The following NALF1 variants were observed in gnomAD, a reference collection of about 807,000 sequenced individuals.
NALF1 encodes the protein NALCN channel auxiliary factor 1, also known as family with sequence similarity 155 member A.
Under a neutral mutation model 48.4 loss-of-function variants are expected in NALF1, and 3 were observed. The observed-to-expected ratio is 0.06, with a 90% CI of 0.03 to 0.16. The LOEUF (loss-of-function observed/expected upper bound fraction) is 0.16. Among genes scored for constraint, NALF1 ranks in the 10% least tolerant of loss-of-function variants. The pLI, the probability that NALF1 is intolerant of heterozygous loss-of-function variation, is 1.00. For synonymous variants in NALF1, 262 were observed against 245.7 expected, an observed-to-expected ratio of 1.07 and a Z score of -0.62; for missense variants, 526 against 571.5, an observed-to-expected ratio of 0.92 and a Z score of 0.81.
At chr13:107,341,559 G>A (rs902641962) in intron 1 of NALF1, among the ~76,000 whole-genome samples, 2 of 151,332 alleles carry the variant, frequency 1.3e-5, no homozygotes, top group Non-Finnish European at 2.9e-5. Flanking sequence ...AGGTGGTGAG[G>A]ATTAAAATTA....
At chr13:107,616,367 A>G (rs1395750612) in intron 1 of NALF1, among the ~76,000 whole-genome samples, 1 of 152,208 alleles carries the variant, frequency 6.6e-6, no homozygotes, top group Non-Finnish European at 1.5e-5. Flanking sequence ...ATCACATTGC[A>G]TAATAATCCA....
At chr13:107,375,939 C>A (rs956193989) in intron 1 of NALF1, among the ~76,000 whole-genome samples, 2 of 151,976 alleles carry the variant, frequency 1.3e-5, no homozygotes, top group Non-Finnish European at 2.9e-5. Flanking sequence ...CACACACACA[C>A]ACACATACAC....
At position 107,342,595 on chromosome 13, in the gene NALF1, T is replaced by C. The variant is rs115373563; in HGVS notation, c.916-131840A>G. Among the ~76,000 whole-genome samples the C allele has an allele frequency of 8.0e-3, 1,217 of 152,270 alleles. 18 individuals are homozygous for C. The highest frequency in any genetic ancestry group is 0.028 in the African/African-American group (1,158 of 41,542). ...ACACAGCATATGCAGATGCCATTTGTTACATCAATAACATAAAATAAGGGT... is the reference window on the plus strand; with the variant it reads ...ACACAGCATATGCAGATGCCATTTGCTACATCAATAACATAAAATAAGGGT... On this transcript the variant is annotated intron_variant, in intron 1 of 2. Coordinates refer to ENST00000375915, the MANE Select transcript of NALF1 (RefSeq NM_001080396.3).
At chr13:107,862,653 T>C (rs1880604851) in intron 1 of NALF1, among the ~76,000 whole-genome samples, 1 of 152,018 alleles carries the variant, frequency 6.6e-6, no homozygotes, top group African/African-American at 2.4e-5. Flanking sequence ...TATGATACAT[T>C]GCAATACAGA....
At chr13:107,247,866 A>G (rs369548195) in intron 1 of NALF1, among the ~76,000 whole-genome samples, 2 of 152,294 alleles carry the variant, frequency 1.3e-5, no homozygotes, top group African/African-American at 4.8e-5. Context: ...TAACATAGAA[A>G]CGAGCTGAAT....
intron 1 of NALF1, among the ~76,000 whole-genome samples, chr13:107,677,788 G>A (rs1212874775): frequency 6.6e-6 from 1 of 150,974 alleles, no homozygotes; most frequent in Non-Finnish European, 1.5e-5. Context: ...CGATTATACT[G>A]TAAATAATTA....
intron 1 of NALF1, among the ~76,000 whole-genome samples, chr13:107,746,509 A>T (rs1876785114): frequency 6.6e-6 from 1 of 152,198 alleles, no homozygotes; most frequent in African/African-American, 2.4e-5. Context: ...TAGCATAGGC[A>T]TTTTTGAGAT....
intron 1 of NALF1, among the ~76,000 whole-genome samples, chr13:107,274,766 T>C (rs538028317): frequency 6.6e-6 from 1 of 152,250 alleles, no homozygotes; most frequent in South Asian, 2.1e-4. Context: ...ATGGACCCTT[T>C]AGTATTATAT....
At chr13:107,717,565 AG>A (rs1875858888) in intron 1 of NALF1, among the ~76,000 whole-genome samples, 1 of 152,076 alleles carries the variant, frequency 6.6e-6, no homozygotes, top group Admixed American at 6.6e-5. Context: ...TTAGGTAAAA[AG>A]CTACGTCCAG....
intron 1 of NALF1, among the ~76,000 whole-genome samples, chr13:107,684,131 C>T (rs918713987): frequency 6.6e-6 from 1 of 152,192 alleles, no homozygotes; most frequent in Non-Finnish European, 1.5e-5. Context: ...GGCTCCCAAA[C>T]GCAGAATCCA....
At chr13:107,811,794 C>T (rs1003479417) in intron 1 of NALF1, among the ~76,000 whole-genome samples, 2 of 152,142 alleles carry the variant, frequency 1.3e-5, no homozygotes, top group Admixed American at 6.6e-5. Context: ...AACCTACTCC[C>T]ATGATAATGA....
chr13:107,499,640 T>C (rs558647042), intron 1 of NALF1, among the ~76,000 whole-genome samples: 50 of 152,346 alleles, frequency 3.3e-4, no homozygotes, highest in Non-Finnish European at 6.0e-4. Flanking sequence ...TATTTTACAG[T>C]ATCATTCTGC....
intron 1 of NALF1, among the ~76,000 whole-genome samples, chr13:107,265,463 A>C (rs747305565): frequency 1.3e-5 from 2 of 152,172 alleles, no homozygotes; most frequent in Non-Finnish European, 2.9e-5. Flanking sequence ...TTTGTCACCC[A>C]GGCTGGAGTG....
At chr13:107,533,694 C>T (rs1876713907) in intron 1 of NALF1, among the ~76,000 whole-genome samples, 2 of 152,078 alleles carry the variant, frequency 1.3e-5, no homozygotes, top group South Asian at 4.1e-4. Flanking sequence ...ATTCCAAAGG[C>T]CATCTTTCAG....
intron 1 of NALF1, among the ~76,000 whole-genome samples, chr13:107,757,080 C>G (rs1274540950): frequency 6.6e-6 from 1 of 152,200 alleles, no homozygotes; most frequent in Non-Finnish European, 1.5e-5. Flanking sequence ...ACATACAAAC[C>G]TTGCTCATAC....
chr13:107,447,000 G>C (rs542345960), intron 1 of NALF1, among the ~76,000 whole-genome samples: 3 of 152,270 alleles, frequency 2.0e-5, no homozygotes, highest in South Asian at 4.1e-4. Context: ...TGATAAATTG[G>C]AGACATCAAA....
intron 1 of NALF1, among the ~76,000 whole-genome samples, chr13:107,266,372 G>T (rs545977252): frequency 4.6e-5 from 7 of 152,306 alleles, no homozygotes; most frequent in East Asian, 1.9e-4. Flanking sequence ...ATCACAGGTT[G>T]AGTGCTCTGT....
At chr13:107,201,905 A>T (rs1307758432) in intron 2 of NALF1, among the ~76,000 whole-genome samples, 2 of 152,142 alleles carry the variant, frequency 1.3e-5, no homozygotes, top group African/African-American at 4.8e-5. Context: ...GGCAGGAGTG[A>T]GTTTCGGTGG....
chr13:107,673,604 G>A (rs1881041233), intron 1 of NALF1, among the ~76,000 whole-genome samples: 1 of 152,116 alleles, frequency 6.6e-6, no homozygotes, highest in Admixed American at 6.6e-5. Flanking sequence ...ACAAGGAATT[G>A]GTTCTATGTT....
Sources: gnomAD v4.1 joint callset for allele counts (sites outside exome capture counted in the v4.1 genomes callset) on GRCh38, gnomAD v4.1.1 for gene constraint, MANE v1.5 for transcripts, NCBI Gene and HGNC (gene_info 2026-07-23, HGNC 2026-07-21) for gene names.